ADARB2: variants seen among roughly 807,000 people sequenced by gnomAD.
The protein encoded by ADARB2 is inactive double-stranded RNA-specific editase B2.
In ADARB2, 25 loss-of-function variants were observed where a neutral mutation model predicts 62.2. The observed-to-expected ratio is 0.40, with a 90% CI of 0.29 to 0.56. The LOEUF is 0.56. Ranked by LOEUF, ADARB2 falls within the 20% of genes least tolerant of loss-of-function variation. The pLI, the probability that ADARB2 is intolerant of heterozygous loss-of-function variation, is 0.43. For synonymous variants in ADARB2, 572 were observed against 500.8 expected, an observed-to-expected ratio of 1.14 and a Z score of -1.90; for missense variants, 1,071 against 1,077.4, an observed-to-expected ratio of 0.99 and a Z score of 0.08.
At chr10:1,720,602 T>C (rs1406072878) in intron 1 of ADARB2, among the ~76,000 whole-genome samples, 1 of 152,208 alleles carries the variant, frequency 6.6e-6, no homozygotes, top group Non-Finnish European at 1.5e-5. Flanking sequence ...AAGAGAAATC[T>C]AGGGGCAGTC....
intron 4 of ADARB2, among the ~76,000 whole-genome samples, chr10:1,250,938 G>A (rs980657630): frequency 1.3e-5 from 2 of 152,108 alleles, no homozygotes; most frequent in East Asian, 1.9e-4. Context: ...GACCCAACAC[G>A]TGCAGGAATT....
intron 6 of ADARB2, among the ~76,000 whole-genome samples, chr10:1,225,175 CTTCT>C (rs1204359310): frequency 2.6e-5 from 4 of 152,092 alleles, no homozygotes; most frequent in Non-Finnish European, 5.9e-5. Context: ...ATGTAATGGC[CTTCT>C]TTGTCTCTTT....
At chr10:1,397,937 C>T (rs1212973076) in intron 1 of ADARB2, among the ~76,000 whole-genome samples, 3 of 140,372 alleles carry the variant, frequency 2.1e-5, no homozygotes, top group Admixed American at 6.9e-5. Context: ...TCTCCCCTCC[C>T]GAGTGCAGGC....
At position 1,362,746 on chromosome 10, in the gene ADARB2, G is replaced by C. The variant is rs191262253; in HGVS notation, c.1077+282C>G. Among the ~76,000 whole-genome samples, 7 of 152,262 alleles carry C rather than the reference G, an allele frequency of 4.6e-5. No individual in the cohort carries two copies. The East Asian group carries it at 1.2e-3, about 25-fold the overall frequency. ...CCCAGTCACGGACGAAACCTGGCAC[G>C]GGGGACCCGTCCCTCCCCCTGCAGA... On this transcript the variant is annotated intron_variant, in intron 3 of 9. Coordinates refer to ENST00000381312, the MANE Select transcript of ADARB2 (RefSeq NM_018702.4).
At position 1,408,817 on chromosome 10, in the gene ADARB2, G is replaced by T. The variant is rs569231703; in HGVS notation, c.101-29657C>A. Reference sequence around the variant, plus strand: ...CCACACACTGGTAGCTGGGAATTGTGTCTGCACCAGCACACAGGGAGTGGC... The same window carrying T: ...CCACACACTGGTAGCTGGGAATTGTTTCTGCACCAGCACACAGGGAGTGGC... On this transcript the variant is annotated intron_variant, in intron 1 of 9. Transcript: ENST00000381312. 5.3e-5 allele frequency among the ~76,000 whole-genome samples: 8 copies of T among 152,334 alleles called. No individual in the cohort carries two copies. In the East Asian group the frequency reaches 7.7e-4, roughly 15 times the overall value.
chr10:1,334,278 C>T (rs888898497), intron 3 of ADARB2, among the ~76,000 whole-genome samples: 3 of 152,196 alleles, frequency 2.0e-5, no homozygotes, highest in Admixed American at 6.5e-5. Context: ...GATCAGGCCG[C>T]GGCTTTTGGT....
At chr10:1,579,048 C>T (rs1286577720) in intron 1 of ADARB2, among the ~76,000 whole-genome samples, 3 of 152,176 alleles carry the variant, frequency 2.0e-5, no homozygotes, top group Non-Finnish European at 2.9e-5. Flanking sequence ...CAGGATACCA[C>T]GAGGTGGGAG....
At chr10:1,534,272 G>T (rs1168745349) in intron 1 of ADARB2, among the ~76,000 whole-genome samples, 1 of 152,106 alleles carries the variant, frequency 6.6e-6, no homozygotes, top group African/African-American at 2.4e-5. Context: ...AAGTAGCTGG[G>T]ATTATAGGCA....
chr10:1,227,000 G>T (rs1005355189), intron 6 of ADARB2, among the ~76,000 whole-genome samples: 6 of 152,264 alleles, frequency 3.9e-5, no homozygotes, highest in Non-Finnish European at 5.9e-5. Context: ...GCCCCCAGAG[G>T]TGGAGCCTAT....
At position 1,359,598 on chromosome 10, in the gene ADARB2, T is replaced by C. The variant is rs148230925; in HGVS notation, c.1077+3430A>G. Among the ~76,000 whole-genome samples, 425 of 152,314 alleles carry C rather than the reference T, an allele frequency of 2.8e-3. 4 individuals are homozygous for C. Among genetic ancestry groups the C allele is most frequent in the African/African-American group, 9.5e-3 (395 of 41,578 alleles). ...TCACGTGTTTATAAGGAAGCTGATA[T>C]TGTGAATCCCAACCTCCACCACAAC... On this transcript the variant is annotated intron_variant, in intron 3 of 9. Coordinates refer to ENST00000381312, the MANE Select transcript of ADARB2 (RefSeq NM_018702.4).
At chr10:1,481,537 T>G (rs11250560) in intron 1 of ADARB2, among the ~76,000 whole-genome samples, 1,531 of 152,252 alleles carry the variant, frequency 0.01, 25 homozygotes, top group African/African-American at 0.035. Context: ...AGAAAATATT[T>G]GCAAATCATA....
chr10:1,208,065 C>T (rs1239346427), intron 7 of ADARB2, among the ~76,000 whole-genome samples: 1 of 152,218 alleles, frequency 6.6e-6, no homozygotes, highest in Non-Finnish European at 1.5e-5. Flanking sequence ...CCTAACCTTA[C>T]CTTGTGGCTT....
intron 1 of ADARB2, among the ~76,000 whole-genome samples, chr10:1,618,827 G>A (rs1833674522): frequency 6.6e-6 from 1 of 152,128 alleles, no homozygotes; most frequent in African/African-American, 2.4e-5. Flanking sequence ...AAACATTAAA[G>A]CCACTAAAAA....
chr10:1,276,112 CA>C (rs1241619663), intron 3 of ADARB2, among the ~76,000 whole-genome samples: 1 of 152,098 alleles, frequency 6.6e-6, no homozygotes, highest in East Asian at 1.9e-4. Flanking sequence ...AACTAGTTTA[CA>C]GTCCCACCAA....
chr10:1,349,458 A>C (rs948239228), intron 3 of ADARB2, among the ~76,000 whole-genome samples: 1 of 152,182 alleles, frequency 6.6e-6, no homozygotes, highest in Non-Finnish European at 1.5e-5. Flanking sequence ...GACCTCCCTT[A>C]GGAGATCAAT....
chr10:1,451,178 C>T (rs1377079315), intron 1 of ADARB2, among the ~76,000 whole-genome samples: 1 of 152,236 alleles, frequency 6.6e-6, no homozygotes, highest in Non-Finnish European at 1.5e-5. Context: ...CATCAAAAAA[C>T]ACTTTTTCTC....
intron 1 of ADARB2, among the ~76,000 whole-genome samples, chr10:1,564,925 C>G (rs931349463): frequency 2.0e-5 from 3 of 152,080 alleles, no homozygotes; most frequent in African/African-American, 7.2e-5. Context: ...CATCTAATTT[C>G]TAGAGAATTT....
chr10:1,524,461 A>G (rs72764953), intron 1 of ADARB2, among the ~76,000 whole-genome samples: 28,996 of 152,238 alleles, frequency 0.19, 3,159 homozygotes, highest in Non-Finnish European at 0.25. Flanking sequence ...ACCTGCTGGC[A>G]TCACAAGTTC....
At chr10:1,616,566 CCG>C (rs1833637866) in intron 1 of ADARB2, among the ~76,000 whole-genome samples, 7 of 12,934 alleles carry the variant, frequency 5.4e-4, no homozygotes, top group Admixed American at 1.3e-3. Context: ...CAGACACACT[CCG>C]CACCACCCTG....
Sources: gnomAD v4.1 joint callset for allele counts (sites outside exome capture counted in the v4.1 genomes callset) on GRCh38, gnomAD v4.1.1 for gene constraint, MANE v1.5 for transcripts, NCBI Gene and HGNC (gene_info 2026-07-23, HGNC 2026-07-21) for gene names.